The following HELZ variants were observed in gnomAD, a reference collection of about 807,000 sequenced individuals.
The protein encoded by HELZ is ATP-dependent RNA helicase with zinc finger domain.
In HELZ, 23 loss-of-function variants were observed where a neutral mutation model predicts 218.2. That is an observed-to-expected ratio of 0.11 (90% CI 0.08 to 0.15). HELZ has a LOEUF of 0.15. HELZ is among the 10% of genes least tolerant of loss of function. The pLI, the probability that HELZ is intolerant of heterozygous loss-of-function variation, is 1.00. For missense variants in HELZ, 1,813 were observed against 2,353.7 expected (o/e 0.77, Z 4.75); for synonymous variants, 814 against 829.4 (o/e 0.98, Z 0.32).
At chr17:67,232,596 C>T (rs935366846) in intron 3 of HELZ, among the ~76,000 whole-genome samples, 1 of 152,194 alleles carries the variant, frequency 6.6e-6, no homozygotes. Context: ...TTACTCTAGA[C>T]CCCATGCAGA....
At chr17:67,132,149 T>G (rs1408661116) in intron 23 of HELZ, among the ~76,000 whole-genome samples, 3 of 152,216 alleles carry the variant, frequency 2.0e-5, no homozygotes, top group Non-Finnish European at 4.4e-5. Flanking sequence ...TTTGATTTTC[T>G]TTCTCTGTTA....
intron 32 of HELZ, among the ~76,000 whole-genome samples, chr17:67,086,526 A>G (rs2143579756): frequency 6.7e-6 from 1 of 148,484 alleles, no homozygotes; most frequent in South Asian, 2.1e-4. Context: ...GGTTGCAATG[A>G]GCCGAGATCA....
At chr17:67,225,988 G>T (rs1454065167) in intron 3 of HELZ, among the ~76,000 whole-genome samples, 1 of 152,062 alleles carries the variant, frequency 6.6e-6, no homozygotes, top group Non-Finnish European at 1.5e-5. Flanking sequence ...CCTGACGGGC[G>T]TGGTGGCTCA....
chr17:67,153,676 C>A (rs758678094), intron 17 of HELZ, among the ~76,000 whole-genome samples: 5 of 152,198 alleles, frequency 3.3e-5, no homozygotes, highest in Admixed American at 1.3e-4. Context: ...GAAGCCCCCC[C>A]ACTTCCCTTC....
At chr17:67,195,586 A>G in intron 7 of HELZ, 116 bp from the exon 8 acceptor site, 1 of 625,592 alleles carries the variant, frequency 1.6e-6, no homozygotes, top group Non-Finnish European at 2.9e-6. Context: ...GAAATTTTTA[A>G]TAACATTAAT....
Position 67,160,883 on chromosome 17 carries a change from TC to T in HELZ, c.2075+13del. The T allele has an allele frequency of 6.3e-7, 1 of 1,584,144 alleles. No homozygotes were observed. The highest frequency in any genetic ancestry group is 1.2e-5 in the South Asian group (1 of 86,284). ...CCTACCAGGGAAATATGAGCACGCT[TC>T]CCACCCTCTCACCTAGTCTCCTGTT... is the stretch of plus-strand genomic sequence containing the variant. On this transcript the variant is annotated intron_variant, in intron 16 of 32. Coordinates refer to ENST00000358691, the MANE Select transcript of HELZ (RefSeq NM_014877.4).
intron 5 of HELZ, among the ~76,000 whole-genome samples, chr17:67,215,421 T>C (rs2040572772): frequency 1.3e-5 from 2 of 151,288 alleles, no homozygotes; most frequent in South Asian, 2.1e-4. Flanking sequence ...TGATATCGGC[T>C]CACTGCAACC....
chr17:67,087,528 G>C (rs751978785), intron 31 of HELZ, among the ~76,000 whole-genome samples: 12 of 152,166 alleles, frequency 7.9e-5, no homozygotes, highest in Non-Finnish European at 4.4e-5. Flanking sequence ...AGCAGAGTCA[G>C]CTATTCTACA....
intron 31 of HELZ, among the ~76,000 whole-genome samples, chr17:67,102,690 A>G (rs1385065047): frequency 6.6e-6 from 1 of 152,222 alleles, no homozygotes; most frequent in African/African-American, 2.4e-5. Flanking sequence ...TGAACAGACT[A>G]AAGTTACCCT....
At chr17:67,106,303 CTTTA>C (rs1271526315) in intron 31 of HELZ, among the ~76,000 whole-genome samples, 6 of 150,994 alleles carry the variant, frequency 4.0e-5, no homozygotes, top group African/African-American at 7.4e-5. Flanking sequence ...AAGTATTTTA[CTTTA>C]TTTATTTATT....
chr17:67,104,964 C>CAAG (rs1252736430), intron 31 of HELZ, among the ~76,000 whole-genome samples: 27 of 151,788 alleles, frequency 1.8e-4, no homozygotes, highest in African/African-American at 6.5e-4. Flanking sequence ...ACTAAAAATA[C>CAAG]AACAACAACA....
In HELZ at chr17:67,237,178, G is replaced by A. The variant is rs141729111; in HGVS notation, c.-19+2255C>T. Among the ~76,000 whole-genome samples, 277 of 152,164 alleles carry A rather than the reference G, an allele frequency of 1.8e-3. 5 individuals carry two copies. In the East Asian group the frequency reaches 0.039, roughly 21 times the overall value. ...AACATGGCAAAGTCCCAAGCTACTA[G>A]GGAGGCTGAGGCAAGAGAATCGCTT... is the stretch of plus-strand genomic sequence containing the variant. On this transcript the variant is annotated intron_variant, in intron 3 of 32. Coordinates refer to ENST00000358691, the MANE Select transcript of HELZ (RefSeq NM_014877.4).
chr17:67,176,572 A>C (rs565285005), intron 13 of HELZ: 1 of 152,334 alleles, frequency 6.6e-6, no homozygotes, highest in Non-Finnish European at 1.5e-5. Flanking sequence ...GCGGTGGCTC[A>C]TGCCTGTAAT....
rs545490272 is a variant in HELZ, at chr17:67,232,237, A to G, written c.-19+7196T>C. On this transcript the variant is annotated intron_variant, in intron 3 of 32. Transcript: ENST00000358691. ...CAGCTCACTGCAACCTCCGCCTCCC[A>G]GGTTCAAGCGATTCTCCTTCCTCAA... is the stretch of plus-strand genomic sequence containing the variant. Among the ~76,000 whole-genome samples the G allele has an allele frequency of 9.5e-4, 144 of 151,626 alleles. 1 individual carries two copies. The highest frequency in any genetic ancestry group is 1.5e-3 in the Non-Finnish European group (100 of 67,938).
chr17:67,129,496 C>T (rs984147586), intron 23 of HELZ, among the ~76,000 whole-genome samples: 1 of 151,986 alleles, frequency 6.6e-6, no homozygotes, highest in African/African-American at 2.4e-5. Flanking sequence ...CAACTCAAGA[C>T]ATAAATTTGA....
chr17:67,109,811 G>T (rs1242797716), intron 28 of HELZ, 125 bp from the exon 29 acceptor site: 1 of 634,476 alleles, frequency 1.6e-6, no homozygotes, highest in African/African-American at 1.8e-5. Flanking sequence ...GGAGAGCTGA[G>T]TGCTCAATTA....
chr17:67,244,375 CCT>C (rs1475912902), intron 1 of HELZ, among the ~76,000 whole-genome samples: 4 of 152,174 alleles, frequency 2.6e-5, no homozygotes, highest in Non-Finnish European at 5.9e-5. Context: ...GGCTTCCAGC[CCT>C]GTCTGAAGAT....
In HELZ at chr17:67,114,423, T is replaced by A. The variant is rs200761603; in HGVS notation, c.3839-20A>T. 9.4e-4 allele frequency: 1,383 copies of A among 1,463,682 alleles called. 3 individuals are homozygous for A. Among genetic ancestry groups the A allele is most frequent in the Non-Finnish European group, 8.2e-4 (862 of 1,045,390 alleles). The allele number at this position is 1,463,682 out of a possible 1,614,324, so 90.7% of individuals were successfully genotyped here. On this transcript the variant is annotated intron_variant, in intron 27 of 32. Coordinates refer to ENST00000358691, the MANE Select transcript of HELZ (RefSeq NM_014877.4). ...TTTTACCTAAGAAAATATTTAAAAATCCTTATAAGTTTTCTCCAGTGGATA... is the reference window on the plus strand; with the variant it reads ...TTTTACCTAAGAAAATATTTAAAAAACCTTATAAGTTTTCTCCAGTGGATA...
At chr17:67,238,173 G>A (rs1186361150) in intron 3 of HELZ, among the ~76,000 whole-genome samples, 2 of 149,408 alleles carry the variant, frequency 1.3e-5, no homozygotes, top group African/African-American at 4.9e-5. Flanking sequence ...ATGAAACCCC[G>A]TCTTTACTAA....
Sources: allele counts gnomAD v4.1 joint callset (sites outside exome capture counted in the v4.1 genomes callset), GRCh38; gene constraint gnomAD v4.1.1; transcripts MANE v1.5; gene names NCBI Gene and HGNC (gene_info 2026-07-23, HGNC 2026-07-21).